Variants in LPAR1 observed in about 807,000 individuals in gnomAD.
LPAR1 encodes the protein LPA receptor 1.
A neutral mutation model predicts 23.8 loss-of-function variants in LPAR1; 5 were observed. The observed-to-expected ratio is 0.21, with a 90% CI of 0.11 to 0.44. The LOEUF is 0.44. Among genes scored for constraint, LPAR1 ranks in the 20% least tolerant of loss-of-function variants. The probability of loss-of-function intolerance (pLI) is 0.99; values close to 1 mark genes in which losing one functional copy is unlikely to be tolerated. For synonymous variants in LPAR1, 160 were observed against 164.7 expected, an observed-to-expected ratio of 0.97 and a Z score of 0.22; for missense variants, 311 against 482.8, an observed-to-expected ratio of 0.64 and a Z score of 3.33.
chr9:110,948,504 T>A (rs963990778), intron 4 of LPAR1, among the ~76,000 whole-genome samples: 4 of 152,204 alleles, frequency 2.6e-5, no homozygotes, highest in Non-Finnish European at 1.5e-5. Context: ...AAAAAGAAAC[T>A]GTGCAACACA....
intron 2 of LPAR1, chr9:110,999,586 G>A (rs1048988935): frequency 1.9e-5 from 7 of 363,644 alleles, no homozygotes; most frequent in East Asian, 1.6e-4. Flanking sequence ...GCTGGAAGTC[G>A]AAGACCAGGG....
chr9:110,902,539 T>C (rs557596089), intron 5 of LPAR1, among the ~76,000 whole-genome samples: 2 of 152,300 alleles, frequency 1.3e-5, no homozygotes, highest in East Asian at 3.9e-4. Context: ...TTCCAAGCCA[T>C]GTGGAACTGG....
At chr9:111,017,755 C>T (rs2097483077) in intron 2 of LPAR1, among the ~76,000 whole-genome samples, 1 of 152,212 alleles carries the variant, frequency 6.6e-6, no homozygotes, top group Admixed American at 6.5e-5. Flanking sequence ...GGCGCAGTGG[C>T]TCACGCCTAT....
chr9:110,974,740 G>C lies in LPAR1; in HGVS notation c.-181-1182C>G, dbSNP rs189711549. 2.6e-5 allele frequency among the ~76,000 whole-genome samples: 4 copies of C among 152,226 alleles called. No individual in the cohort carries two copies. The East Asian group carries it at 7.7e-4, about 29-fold the overall frequency. ...TAGTCCCAGTTTTAGGAACAAATGA[G>C]ACTTGTTTATCACACTGTGAAAGTA... On this transcript the variant is annotated intron_variant, in intron 2 of 5. Coordinates refer to ENST00000683809, the MANE Select transcript of LPAR1 (RefSeq NM_001351411.2).
At chr9:110,930,528 AT>A (rs2094340140) in intron 5 of LPAR1, among the ~76,000 whole-genome samples, 1 of 152,086 alleles carries the variant, frequency 6.6e-6, no homozygotes, top group Admixed American at 6.5e-5. Flanking sequence ...AAAAATAAAA[AT>A]AAAAATAAAT....
chr9:110,922,155 T>C (rs1480811907), intron 5 of LPAR1, among the ~76,000 whole-genome samples: 1 of 152,024 alleles, frequency 6.6e-6, no homozygotes, highest in African/African-American at 2.4e-5. Context: ...AAACCAGAAA[T>C]ACTGTAAGAC....
intron 4 of LPAR1, among the ~76,000 whole-genome samples, chr9:110,964,853 CTTTTTT>C (rs35426082): frequency 1.5e-5 from 1 of 67,072 alleles, no homozygotes; most frequent in African/African-American, 6.1e-5. Flanking sequence ...ACACCAATCA[CTTTTTT>C]TTTTTTTTTT....
intron 5 of LPAR1, among the ~76,000 whole-genome samples, chr9:110,940,762 T>C (rs2095048935): frequency 1.3e-5 from 2 of 152,172 alleles, no homozygotes; most frequent in Non-Finnish European, 2.9e-5. Context: ...GAATTTTTCA[T>C]CCAAGAAAAA....
intron 2 of LPAR1, chr9:110,999,540 T>C (rs2097090121): frequency 4.8e-6 from 2 of 419,228 alleles, no homozygotes; most frequent in Non-Finnish European, 9.5e-6. Flanking sequence ...ACTGGGTGGC[T>C]TAAACAACAA....
rs1381804424 is a variant in LPAR1, at chr9:110,873,634, T to TA, written c.*1786dup. ...ACTTGTTACAGCAAACTGATGCAACTACTAGTCTACCTGGACAACATATTA... is the reference window on the plus strand; with the variant it reads ...ACTTGTTACAGCAAACTGATGCAACTAACTAGTCTACCTGGACAACATATTA... On this transcript the variant is annotated 3_prime_UTR_variant, in exon 6 of 6. Coordinates refer to ENST00000683809, the MANE Select transcript of LPAR1 (RefSeq NM_001351411.2). The TA allele has an allele frequency of 6.6e-6, 1 of 152,260 alleles. No individual in the cohort carries two copies. Among genetic ancestry groups the TA allele is most frequent in the Non-Finnish European group, 1.5e-5 (1 of 68,066 alleles). The allele number at this position is 152,260 out of a possible 1,614,324, so 9.4% of individuals were successfully genotyped here.
intron 4 of LPAR1, chr9:110,945,393 C>A (rs2095334823): frequency 6.6e-6 from 1 of 152,036 alleles, no homozygotes; most frequent in African/African-American, 2.4e-5. Flanking sequence ...AAGAAGAAAT[C>A]ACCTCCCACT....
intron 2 of LPAR1, among the ~76,000 whole-genome samples, chr9:111,024,981 G>A (rs189446417): frequency 6.6e-6 from 1 of 152,240 alleles, no homozygotes; most frequent in Admixed American, 6.5e-5. Context: ...TCAAGTCTTT[G>A]CTATTGTAAA....
intron 5 of LPAR1, among the ~76,000 whole-genome samples, chr9:110,886,592 C>G (rs956603251): frequency 6.6e-6 from 1 of 152,076 alleles, no homozygotes; most frequent in Non-Finnish European, 1.5e-5. Context: ...CACTCAGGAT[C>G]CTCAGTCTTC....
intron 2 of LPAR1, among the ~76,000 whole-genome samples, chr9:110,988,603 AACT>A (rs55842721): frequency 0.37 from 56,817 of 151,806 alleles, 10,881 homozygotes; most frequent in South Asian, 0.47. Context: ...CACACTTCAT[AACT>A]ACTAGGATGG....
At chr9:111,023,054 A>C (rs986273474) in intron 2 of LPAR1, among the ~76,000 whole-genome samples, 2 of 24,060 alleles carry the variant, frequency 8.3e-5, no homozygotes, top group Non-Finnish European at 1.3e-4. Context: ...CCGTCTCAAC[A>C]AAAAAAAAAA....
At chr9:111,005,040 TG>T (rs1281702038) in intron 2 of LPAR1, among the ~76,000 whole-genome samples, 1 of 150,826 alleles carries the variant, frequency 6.6e-6, no homozygotes, top group Non-Finnish European at 1.5e-5. Context: ...CGTGTGCCTG[TG>T]GTTCCAGGTA....
At chr9:110,907,008 T>A (rs1239304929) in intron 5 of LPAR1, among the ~76,000 whole-genome samples, 1 of 152,216 alleles carries the variant, frequency 6.6e-6, no homozygotes, top group Non-Finnish European at 1.5e-5. Context: ...ACAAATTCTA[T>A]GAATGTACAT....
chr9:110,880,390 C>T (rs1416286224), intron 5 of LPAR1, among the ~76,000 whole-genome samples: 1 of 152,202 alleles, frequency 6.6e-6, no homozygotes, highest in African/African-American at 2.4e-5. Context: ...CTGAATAATG[C>T]TTACCATCTG....
At chr9:110,905,372 G>A (rs1390072055) in intron 5 of LPAR1, among the ~76,000 whole-genome samples, 3 of 148,220 alleles carry the variant, frequency 2.0e-5, no homozygotes, top group Non-Finnish European at 3.0e-5. Flanking sequence ...TGCAGAAGGG[G>A]TCTCGCTCTA....
Sources: gnomAD v4.1 joint callset for allele counts (sites outside exome capture counted in the v4.1 genomes callset) on GRCh38, gnomAD v4.1.1 for gene constraint, MANE v1.5 for transcripts, NCBI Gene and HGNC (gene_info 2026-07-23, HGNC 2026-07-21) for gene names.